The following CSMD3 variants were observed in gnomAD, a reference collection of about 807,000 sequenced individuals.
CSMD3 encodes CUB and Sushi multiple domains 3, also known as CUB and sushi domain-containing protein 3.
A neutral mutation model predicts 435.2 loss-of-function variants in CSMD3; 177 were observed. The observed-to-expected ratio is 0.41, with a 90% confidence interval of 0.36 to 0.46. The LOEUF is 0.46. CSMD3 is among the 20% of genes least tolerant of loss of function. CSMD3 has a pLI of 0.34. For synonymous variants in CSMD3, 1,656 were observed against 1,520.5 expected (o/e 1.09, Z -2.07); for missense variants, 4,265 against 4,504.6 (o/e 0.95, Z 1.52).
chr8:112,947,056 A>C (rs75292059), intron 9 of CSMD3, among the ~76,000 whole-genome samples: 1,728 of 151,762 alleles, frequency 0.011, 34 homozygotes, highest in African/African-American at 0.039. Context: ...TGAAAAATAA[A>C]ATTTACCATG....
At chr8:112,244,336 C>T in intron 65 of CSMD3, 58 bp downstream of exon 65, 1 of 1,432,656 alleles carries the variant, frequency 7.0e-7, no homozygotes, top group Non-Finnish European at 9.8e-7. Context: ...TTGTCTGGAG[C>T]AAAGGAAAGC....
At chr8:113,233,925 A>G (rs1044791717) in intron 3 of CSMD3, among the ~76,000 whole-genome samples, 4 of 152,012 alleles carry the variant, frequency 2.6e-5, no homozygotes, top group African/African-American at 9.7e-5. Flanking sequence ...AGTAGCCAGA[A>G]TTTCCACATT....
At chr8:112,727,032 C>T (rs1254597966) in intron 13 of CSMD3, among the ~76,000 whole-genome samples, 2 of 151,722 alleles carry the variant, frequency 1.3e-5, no homozygotes, top group East Asian at 3.9e-4. Flanking sequence ...TTTATTTAGC[C>T]TCATTCTTCA....
chr8:113,351,555 A>G (rs2094190563), intron 1 of CSMD3, among the ~76,000 whole-genome samples: 1 of 152,206 alleles, frequency 6.6e-6, no homozygotes, highest in Admixed American at 6.5e-5. Flanking sequence ...TAAATAAAAT[A>G]AGATGCATGC....
chr8:112,369,347 A>G (rs568312758), intron 38 of CSMD3, among the ~76,000 whole-genome samples: 17 of 152,296 alleles, frequency 1.1e-4, no homozygotes, highest in African/African-American at 3.8e-4. Context: ...GATTTTTCTT[A>G]CTCTAAAAAA....
intron 5 of CSMD3, among the ~76,000 whole-genome samples, chr8:113,086,141 C>T (rs931816955): frequency 2.0e-5 from 3 of 151,086 alleles, no homozygotes; most frequent in African/African-American, 7.3e-5. Flanking sequence ...CCCAGCTACT[C>T]GGGAGGCTGA....
At chr8:113,094,855 AG>A (rs2090115787) in intron 5 of CSMD3, among the ~76,000 whole-genome samples, 1 of 151,916 alleles carries the variant, frequency 6.6e-6, no homozygotes, top group Admixed American at 6.6e-5. Flanking sequence ...GTAGATCACG[AG>A]GTCAGGAGAT....
rs1380977793 is a variant in CSMD3 at position 112,689,937 on chromosome 8, A to G, written c.2086T>C (p.Leu696=). Residue 696 remains leucine, a synonymous_variant, in exon 14 of 71, where the codon TTA becomes CTA. Transcript: ENST00000297405. ...CAAACAATGGATTTCTCTCCAATTAATTCAAACCCAAACTGGCATTCAAAC... is the reference window on the plus strand; with the variant it reads ...CAAACAATGGATTTCTCTCCAATTAGTTCAAACCCAAACTGGCATTCAAAC... ...LRFECQFGFE[L]IGEKSIVCQE... is the part of the protein sequence containing the mutation. The G allele has an allele frequency of 1.5e-5, 24 of 1,613,412 alleles. No homozygotes were observed. The highest frequency in any genetic ancestry group is 1.9e-5 in the Non-Finnish European group (23 of 1,179,518).
intron 22 of CSMD3, among the ~76,000 whole-genome samples, chr8:112,608,322 G>A (rs1381252433): frequency 6.6e-6 from 1 of 152,004 alleles, no homozygotes; most frequent in Non-Finnish European, 1.5e-5. Context: ...TTAACATCCT[G>A]TGTTCATGGG....
chr8:112,505,504 A>T (rs1822407002), intron 29 of CSMD3, among the ~76,000 whole-genome samples: 1 of 152,132 alleles, frequency 6.6e-6, no homozygotes, highest in Non-Finnish European at 1.5e-5. Context: ...TAAATGACAC[A>T]GTAGTATTTA....
At chr8:113,051,730 T>C (rs2088102329) in intron 5 of CSMD3, among the ~76,000 whole-genome samples, 1 of 152,230 alleles carries the variant, frequency 6.6e-6, no homozygotes, top group Non-Finnish European at 1.5e-5. Flanking sequence ...AGGTCAGGTC[T>C]TCATTTGAAA....
At chr8:112,235,439 C>T (rs1211438966) in intron 67 of CSMD3, among the ~76,000 whole-genome samples, 2 of 151,830 alleles carry the variant, frequency 1.3e-5, no homozygotes, top group Non-Finnish European at 2.9e-5. Context: ...CAACAAAAAA[C>T]AGCATTTGAA....
At chr8:112,654,011 A>G (rs1036622036) in intron 18 of CSMD3, among the ~76,000 whole-genome samples, 1 of 145,750 alleles carries the variant, frequency 6.9e-6, no homozygotes, top group Non-Finnish European at 1.5e-5. Flanking sequence ...GGGCAGATAG[A>G]ATGGGGTAAA....
At chr8:112,362,434 A>C (rs2131126233) in intron 38 of CSMD3, among the ~76,000 whole-genome samples, 1 of 152,128 alleles carries the variant, frequency 6.6e-6, no homozygotes, top group African/African-American at 2.4e-5. Flanking sequence ...ACTCTGTATA[A>C]GTAAATGAAT....
chr8:112,837,258 A>T (rs2080053257), intron 11 of CSMD3, among the ~76,000 whole-genome samples: 1 of 151,794 alleles, frequency 6.6e-6, no homozygotes, highest in Non-Finnish European at 1.5e-5. Context: ...GCTGAAGAAA[A>T]TACTCAATAT....
At chr8:112,308,853 G>T (rs1449721170) in intron 50 of CSMD3, among the ~76,000 whole-genome samples, 2 of 151,804 alleles carry the variant, frequency 1.3e-5, no homozygotes, top group African/African-American at 4.8e-5. Flanking sequence ...AGACCTAAGA[G>T]GTAAGAGAAA....
rs992018543 is a variant in CSMD3 at position 112,789,657 on chromosome 8, A to G, written c.1972+10505T>C. Among the ~76,000 whole-genome samples, 3 of 151,980 alleles carry G rather than the reference A, an allele frequency of 2.0e-5. No individual in the cohort carries two copies. In the South Asian group the frequency reaches 6.2e-4, roughly 31 times the overall value. The stretch of plus-strand genomic sequence containing the variant: ...CTAAGAAACTAGAAATTTCAGTTTT[A>G]CTTTTCACTTAATTAAACAAAGTTT... On this transcript the variant is annotated intron_variant, in intron 13 of 70. Transcript: ENST00000297405.
At position 112,390,679 on chromosome 8, in the gene CSMD3, C is replaced by G. The variant is rs766489936; in HGVS notation, c.5919G>C (p.Glu1973Asp). 8 of 1,612,950 alleles carry G rather than the reference C, an allele frequency of 5.0e-6. No individual in the cohort carries two copies. Among genetic ancestry groups the G allele is most frequent in the Non-Finnish European group, 6.8e-6 (8 of 1,178,948 alleles). The change falls in exon 36 of 71, where the codon GAG (glutamate) becomes GAC (aspartate). Residue 1973 changes from glutamate to aspartate, a missense_variant. Transcript: ENST00000297405. ...ATATTCTTACTTGAATGCCAGCTCC[C>G]TCTGGCACTGTGATCTTCCACACAC... ...LNCVWKITVP[E>D]GAGIQVQVVS...
intron 3 of CSMD3, among the ~76,000 whole-genome samples, chr8:113,263,297 T>A (rs1335069735): frequency 5.9e-5 from 9 of 152,024 alleles, no homozygotes; most frequent in Admixed American, 5.3e-4. Flanking sequence ...GAAGATCAAT[T>A]ATTTTTACTA....
Sources: allele counts gnomAD v4.1 joint callset (sites outside exome capture counted in the v4.1 genomes callset), GRCh38; gene constraint gnomAD v4.1.1; transcripts MANE v1.5; gene names NCBI Gene and HGNC (gene_info 2026-07-23, HGNC 2026-07-21).